Variants in SLC15A5 observed in about 807,000 individuals in gnomAD.
SLC15A5 encodes solute carrier family 15 member 5.
Under a neutral mutation model 56.1 loss-of-function variants are expected in SLC15A5, and 58 were observed. That is an observed-to-expected ratio of 1.03 (90% CI 0.84 to 1.29). The LOEUF is 1.29. Among genes scored for constraint, SLC15A5 ranks in the 50% most tolerant of loss-of-function variants. The pLI is 0.00. For synonymous variants in SLC15A5, 264 were observed against 250.5 expected, an observed-to-expected ratio of 1.05 and a Z score of -0.51; for missense variants, 681 against 672.1, an observed-to-expected ratio of 1.01 and a Z score of -0.15.
At chr12:16,238,721 A>G (rs1263381592) in intron 5 of SLC15A5, among the ~76,000 whole-genome samples, 2 of 152,036 alleles carry the variant, frequency 1.3e-5, no homozygotes, top group Non-Finnish European at 2.9e-5. Flanking sequence ...ATTGTTTCTC[A>G]AGTAGAGGAT....
rs1045171037 is a variant in SLC15A5 at position 16,235,256 on chromosome 12, G to GTA, written c.1162+4423_1162+4424dup. On this transcript the variant is annotated intron_variant, in intron 5 of 8. Transcript: ENST00000344941. This position sits in a 1 kb window ranked among gnomAD's most constrained non-coding sequence, Gnocchi z 4.1. ...CACGACATGTTATAAGTATATATGT[G>GTA]TATATATATGTATATGTATATATAT... is the stretch of plus-strand genomic sequence containing the variant. 1.9e-4 allele frequency among the ~76,000 whole-genome samples: 18 copies of GTA among 95,746 alleles called. No homozygotes were observed. The highest frequency in any genetic ancestry group is 6.9e-4 in the African/African-American group (18 of 25,914). 62.8% of individuals were successfully genotyped at this position (95,746 alleles called of 152,430 possible). A position where few individuals can be genotyped will look rare whatever the true frequency, so the allele number is the denominator to read the frequency against.
intron 2 of SLC15A5, among the ~76,000 whole-genome samples, chr12:16,265,280 G>A (rs1864682663): frequency 6.6e-6 from 1 of 152,070 alleles, no homozygotes; most frequent in Non-Finnish European, 1.5e-5. Context: ...AGATAGAAGT[G>A]GATAGATATG....
intron 5 of SLC15A5, among the ~76,000 whole-genome samples, chr12:16,226,075 G>A (rs1036637638): frequency 6.6e-6 from 1 of 152,162 alleles, no homozygotes; most frequent in Non-Finnish European, 1.5e-5. Context: ...GCTGGGGATT[G>A]GTTCCAAGAC....
At chr12:16,216,247 T>C (rs1199076193) in intron 7 of SLC15A5, among the ~76,000 whole-genome samples, 1 of 152,226 alleles carries the variant, frequency 6.6e-6, no homozygotes, top group Non-Finnish European at 1.5e-5. Context: ...CAAAGTCATA[T>C]CACTGTGATG....
chr12:16,195,783 T>A (rs1383890944), intron 7 of SLC15A5, among the ~76,000 whole-genome samples: 1 of 152,126 alleles, frequency 6.6e-6, no homozygotes, highest in Non-Finnish European at 1.5e-5. Context: ...AATATTCTGA[T>A]CATAGTCAGC....
chr12:16,256,281 G>C (rs117155523), intron 3 of SLC15A5, among the ~76,000 whole-genome samples: 4,524 of 152,248 alleles, frequency 0.03, 83 homozygotes, highest in Admixed American at 0.04. Context: ...AAAAGAGGAA[G>C]AAATATAGAA....
Position 16,218,564 on chromosome 12 carries a change from G to T in SLC15A5, c.1352-1540C>A, listed in dbSNP as rs1864154042. Among the ~76,000 whole-genome samples, 3 of 152,228 alleles carry T rather than the reference G, an allele frequency of 2.0e-5. No homozygotes were observed. In the South Asian group the frequency reaches 6.2e-4, roughly 32 times the overall value. ...GGGTAGCCCATCACTCCTAGGCAACGAATCTGTACAGCGTGTGACTGTACT... is the reference window on the plus strand; with the variant it reads ...GGGTAGCCCATCACTCCTAGGCAACTAATCTGTACAGCGTGTGACTGTACT... On this transcript the variant is annotated intron_variant, in intron 6 of 8. Coordinates refer to ENST00000344941, the MANE Select transcript of SLC15A5 (RefSeq NM_001170798.1).
In SLC15A5 at chr12:16,243,890, T is replaced by C. The variant is rs189622325; in HGVS notation, c.975+690A>G. Among the ~76,000 whole-genome samples the C allele has an allele frequency of 6.6e-6, 1 of 152,364 alleles. No individual in the cohort carries two copies. The highest frequency in any genetic ancestry group is 1.5e-5 in the Non-Finnish European group (1 of 68,034). Reference sequence around the variant, plus strand: ...AAATGTAACTCATTCATGAGTCTTCTAAATTCCAAGTTGGGAGTTAGCAAT... The same window carrying C: ...AAATGTAACTCATTCATGAGTCTTCCAAATTCCAAGTTGGGAGTTAGCAAT... On this transcript the variant is annotated intron_variant, in intron 4 of 8. Transcript: ENST00000344941. This position sits in a 1 kb window ranked among gnomAD's most constrained non-coding sequence, Gnocchi z 4.4.
Position 16,250,950 on chromosome 12 carries a change from C to G in SLC15A5, c.755-6150G>C, listed in dbSNP as rs1260584238. On this transcript the variant is annotated intron_variant, in intron 3 of 8. Coordinates refer to ENST00000344941, the MANE Select transcript of SLC15A5 (RefSeq NM_001170798.1). Reference sequence around the variant, plus strand: ...AAACCCTGTGCATAAAAAAATAACACAAGAAGCAAGTTAAAAATATGTGTG... The same window carrying G: ...AAACCCTGTGCATAAAAAAATAACAGAAGAAGCAAGTTAAAAATATGTGTG... Among the ~76,000 whole-genome samples, 6 of 151,756 alleles carry G rather than the reference C, an allele frequency of 4.0e-5. No homozygotes were observed. The South Asian group carries it at 1.2e-3, about 31-fold the overall frequency.
At chr12:16,270,317 G>A (rs1864737767) in intron 2 of SLC15A5, among the ~76,000 whole-genome samples, 1 of 152,172 alleles carries the variant, frequency 6.6e-6, no homozygotes, top group Admixed American at 6.5e-5. Flanking sequence ...GCTGCAAATA[G>A]GACTGAATAA....
At position 16,237,385 on chromosome 12, in the gene SLC15A5, A is replaced by C. The variant is rs931639142; in HGVS notation, c.1162+2296T>G. 2.6e-5 allele frequency among the ~76,000 whole-genome samples: 4 copies of C among 152,200 alleles called. No homozygotes were observed. Among genetic ancestry groups the C allele is most frequent in the African/African-American group, 4.8e-5 (2 of 41,454 alleles). ...ATGAATGGAGTGGGGTTCAGAAACA[A>C]CTGAAATCAGTATTCTGTACCCAGT... is the stretch of plus-strand genomic sequence containing the variant. On this transcript the variant is annotated intron_variant, in intron 5 of 8. Transcript: ENST00000344941. This position sits in a 1 kb window ranked among gnomAD's most constrained non-coding sequence, Gnocchi z 4.1.
intron 5 of SLC15A5, among the ~76,000 whole-genome samples, chr12:16,226,635 C>T (rs943554083): frequency 6.6e-6 from 1 of 152,040 alleles, no homozygotes; most frequent in Non-Finnish European, 1.5e-5. Flanking sequence ...CTAAAACTTT[C>T]GTTTAGAAAA....
intron 8 of SLC15A5, among the ~76,000 whole-genome samples, chr12:16,192,579 A>G (rs530076254): frequency 2.0e-5 from 3 of 152,072 alleles, no homozygotes; most frequent in Non-Finnish European, 4.4e-5. Context: ...CATGTAGACT[A>G]CAAGTTTGCC....
At chr12:16,192,472 C>T (rs1044297555) in intron 8 of SLC15A5, among the ~76,000 whole-genome samples, 1 of 152,038 alleles carries the variant, frequency 6.6e-6, no homozygotes, top group African/African-American at 2.4e-5. Flanking sequence ...CACTCCACGC[C>T]ACTATTTCTC....
At chr12:16,251,037 T>C (rs544537974) in intron 3 of SLC15A5, among the ~76,000 whole-genome samples, 61 of 151,894 alleles carry the variant, frequency 4.0e-4, no homozygotes, top group Non-Finnish European at 7.7e-4. Flanking sequence ...TCCCAAAATA[T>C]AATGCTCTAA....
intron 5 of SLC15A5, among the ~76,000 whole-genome samples, chr12:16,236,236 C>T (rs1046032600): frequency 1.3e-5 from 2 of 151,586 alleles, no homozygotes; most frequent in African/African-American, 4.8e-5. Flanking sequence ...CATTTGTGAA[C>T]TAAAAAAAAT....
intron 7 of SLC15A5, among the ~76,000 whole-genome samples, chr12:16,200,603 T>A (rs1165316419): frequency 6.6e-6 from 1 of 152,000 alleles, no homozygotes; most frequent in Non-Finnish European, 1.5e-5. Context: ...ACATTAGAAA[T>A]AAACCAAACC....
At chr12:16,225,498 A>G (rs981234538) in intron 5 of SLC15A5, among the ~76,000 whole-genome samples, 3 of 152,250 alleles carry the variant, frequency 2.0e-5, no homozygotes, top group Non-Finnish European at 2.9e-5. Flanking sequence ...AAAAGAAACT[A>G]TCATCAGAGT....
At chr12:16,267,190 A>ATTGTTATTAGG (rs1565675110) in intron 2 of SLC15A5, among the ~76,000 whole-genome samples, 1 of 47,860 alleles carries the variant, frequency 2.1e-5, no homozygotes. Flanking sequence ...TCATAGCATT[A>ATTGTTATTAGG]GTGTACCATT....
Sources: gnomAD v4.1 joint callset for allele counts (sites outside exome capture counted in the v4.1 genomes callset) on GRCh38, gnomAD v4.1.1 for gene constraint, Gnocchi (gnomAD v3.1) non-coding constraint, MANE v1.5 for transcripts, NCBI Gene and HGNC (gene_info 2026-07-23, HGNC 2026-07-21) for gene names.